The following KCNIP4 variants were observed in gnomAD, a reference collection of about 807,000 sequenced individuals.
KCNIP4 encodes the protein potassium voltage-gated channel interacting protein 4, also known as Kv channel-interacting protein 4.
KCNIP4 carries 12 observed loss-of-function variants against 34.0 expected under a neutral mutation model. The ratio of observed to expected loss-of-function variants is 0.35; its 90% CI spans 0.23 to 0.57. The LOEUF is 0.57. KCNIP4 is among the 20% of genes least tolerant of loss of function. The pLI is 0.83. For missense variants in KCNIP4, 238 were observed against 311.7 expected (o/e 0.76, Z 1.78); for synonymous variants, 124 against 102.2 (o/e 1.21, Z -1.29).
At chr4:21,617,118 T>C (rs1248459498) in intron 1 of KCNIP4, among the ~76,000 whole-genome samples, 1 of 152,200 alleles carries the variant, frequency 6.6e-6, no homozygotes, top group African/African-American at 2.4e-5. Flanking sequence ...AATGAGTTTA[T>C]AAGTATTTTT....
chr4:21,424,169 G>T (rs766445456), intron 1 of KCNIP4, among the ~76,000 whole-genome samples: 3 of 151,996 alleles, frequency 2.0e-5, no homozygotes, highest in Non-Finnish European at 4.4e-5. Flanking sequence ...ACTTGATGGA[G>T]GATGGGTAAA....
At chr4:20,855,111 A>T (rs1044017864) in intron 2 of KCNIP4, among the ~76,000 whole-genome samples, 1 of 152,170 alleles carries the variant, frequency 6.6e-6, no homozygotes, top group Non-Finnish European at 1.5e-5. Context: ...CCCAAGTAAC[A>T]TCTGGTAATA....
intron 1 of KCNIP4, among the ~76,000 whole-genome samples, chr4:21,524,171 T>C (rs939907056): frequency 7.2e-5 from 11 of 152,038 alleles, no homozygotes; most frequent in African/African-American, 2.4e-4. Flanking sequence ...CTCTGCTCAC[T>C]CCTATTTTCA....
At chr4:21,032,178 A>T (rs2149765470) in intron 1 of KCNIP4, among the ~76,000 whole-genome samples, 1 of 152,268 alleles carries the variant, frequency 6.6e-6, no homozygotes, top group Admixed American at 6.5e-5. Flanking sequence ...ATAGCTTCTC[A>T]AAGAAACAAA....
intron 1 of KCNIP4, among the ~76,000 whole-genome samples, chr4:20,902,345 G>A (rs1430159958): frequency 6.6e-6 from 1 of 152,074 alleles, no homozygotes; most frequent in Non-Finnish European, 1.5e-5. Context: ...GGAGACTACA[G>A]GAATTGAATC....
rs11735155 is a variant in KCNIP4, at chr4:21,515,210, G to C, written c.61+433361C>G. On this transcript the variant is annotated intron_variant, in intron 1 of 8. Coordinates refer to ENST00000382152, the MANE Select transcript of KCNIP4 (RefSeq NM_025221.6). ...CTGGAGCTCAGTGATGGGGGCTCCT[G>C]ATCTGGAAAAACTCTCCACTTCTGT... is the stretch of plus-strand genomic sequence containing the variant. Among the ~76,000 whole-genome samples, 25 of 152,012 alleles carry C rather than the reference G, an allele frequency of 1.6e-4. No individual in the cohort carries two copies. In the South Asian group the frequency reaches 5.2e-3, roughly 32 times the overall value.
intron 1 of KCNIP4, among the ~76,000 whole-genome samples, chr4:21,744,285 C>T (rs1479615223): frequency 6.6e-6 from 1 of 152,172 alleles, no homozygotes; most frequent in African/African-American, 2.4e-5. Context: ...AGCAAAGTCA[C>T]CCTCTTGCCC....
At chr4:20,921,094 T>C (rs971971073) in intron 1 of KCNIP4, among the ~76,000 whole-genome samples, 4 of 152,162 alleles carry the variant, frequency 2.6e-5, no homozygotes, top group African/African-American at 9.7e-5. Flanking sequence ...GGGTTGTTTC[T>C]ACAGTCCAGT....
intron 1 of KCNIP4, among the ~76,000 whole-genome samples, chr4:21,209,951 A>G (rs1361600614): frequency 2.0e-5 from 3 of 152,156 alleles, no homozygotes; most frequent in Non-Finnish European, 4.4e-5. Flanking sequence ...AGCATTGTTC[A>G]TGCTCAAATG....
intron 1 of KCNIP4, among the ~76,000 whole-genome samples, chr4:21,831,397 A>C (rs895386366): frequency 4.6e-5 from 7 of 151,988 alleles, no homozygotes; most frequent in African/African-American, 1.7e-4. Flanking sequence ...AAAACTGACA[A>C]ACATTTAGCT....
intron 2 of KCNIP4, among the ~76,000 whole-genome samples, chr4:20,852,510 G>T (rs374396429): frequency 1.3e-5 from 2 of 152,100 alleles, no homozygotes; most frequent in Admixed American, 1.3e-4. Context: ...CACACCCACA[G>T]CCAACATAAT....
chr4:21,073,026 C>T (rs569236242), intron 1 of KCNIP4, among the ~76,000 whole-genome samples: 2 of 152,134 alleles, frequency 1.3e-5, no homozygotes, highest in East Asian at 3.9e-4. Flanking sequence ...GGTACAAGTG[C>T]CATGCTGTTT....
At chr4:20,903,213 T>C (rs1480246070) in intron 1 of KCNIP4, among the ~76,000 whole-genome samples, 3 of 152,190 alleles carry the variant, frequency 2.0e-5, no homozygotes, top group Non-Finnish European at 4.4e-5. Context: ...AATTTAACAA[T>C]GCAAAATGAA....
intron 1 of KCNIP4, among the ~76,000 whole-genome samples, chr4:21,105,334 A>G (rs1174004598): frequency 6.6e-6 from 1 of 151,622 alleles, no homozygotes; most frequent in East Asian, 1.9e-4. Flanking sequence ...TTGGATTCCT[A>G]GGTATTTTAT....
chr4:21,499,507 ATTTGT>A (rs1386227084), intron 1 of KCNIP4, among the ~76,000 whole-genome samples: 4 of 152,130 alleles, frequency 2.6e-5, no homozygotes, highest in African/African-American at 4.8e-5. Flanking sequence ...ATAAATGCTG[ATTTGT>A]TTTAAGTATA....
At chr4:20,866,396 A>G (rs1722878968) in intron 2 of KCNIP4, among the ~76,000 whole-genome samples, 2 of 152,138 alleles carry the variant, frequency 1.3e-5, no homozygotes, top group Admixed American at 1.3e-4. Context: ...AACAGAATCA[A>G]AAGCTGGAAC....
chr4:20,937,538 A>G (rs974120585), intron 1 of KCNIP4, among the ~76,000 whole-genome samples: 4 of 152,080 alleles, frequency 2.6e-5, no homozygotes, highest in African/African-American at 9.7e-5. Context: ...CTGGCCCCCA[A>G]GGAGTCTTTT....
At chr4:21,693,568 T>A (rs13127601) in intron 1 of KCNIP4, among the ~76,000 whole-genome samples, 66,800 of 151,760 alleles carry the variant, frequency 0.44, 18,012 homozygotes, top group Non-Finnish European at 0.6. Context: ...GTCTCAAAAA[T>A]AAATAAATAA....
intron 1 of KCNIP4, among the ~76,000 whole-genome samples, chr4:21,439,888 C>CCTAT (rs1223537015): frequency 2.0e-5 from 3 of 152,174 alleles, no homozygotes; most frequent in Admixed American, 1.3e-4. Flanking sequence ...AGAGGAAGCA[C>CCTAT]CTATCAGTAG....
Sources: gnomAD v4.1 joint callset for allele counts (sites outside exome capture counted in the v4.1 genomes callset) on GRCh38, gnomAD v4.1.1 for gene constraint, MANE v1.5 for transcripts, NCBI Gene and HGNC (gene_info 2026-07-23, HGNC 2026-07-21) for gene names.